PBX1: variants seen among roughly 807,000 people sequenced by gnomAD.
PBX1 encodes PBX homeobox 1.
PBX1 carries 6 observed loss-of-function variants against 53.4 expected under a neutral mutation model. That is an observed-to-expected ratio of 0.11 (90% CI 0.06 to 0.22). The LOEUF is 0.22. Among genes scored for constraint, PBX1 ranks in the 10% least tolerant of loss-of-function variants. The pLI is 1.00. For missense variants in PBX1, 251 were observed against 551.4 expected (o/e 0.46, Z 5.46); for synonymous variants, 204 against 212.3 (o/e 0.96, Z 0.34).
chr1:164,841,270 A>G (rs753030885), intron 8 of PBX1, among the ~76,000 whole-genome samples: 1 of 152,138 alleles, frequency 6.6e-6, no homozygotes, highest in Non-Finnish European at 1.5e-5. Flanking sequence ...TGGAGGAGTG[A>G]GGGCACGGCA....
chr1:164,803,758 C>T (rs1669201484), intron 4 of PBX1, among the ~76,000 whole-genome samples: 1 of 152,192 alleles, frequency 6.6e-6, no homozygotes, highest in Non-Finnish European at 1.5e-5. Flanking sequence ...TCCTATTAAA[C>T]AGCAGAAACC....
intron 2 of PBX1, among the ~76,000 whole-genome samples, chr1:164,877,704 ATAT>A (rs1435759092): frequency 6.6e-6 from 1 of 152,074 alleles, no homozygotes; most frequent in Non-Finnish European, 1.5e-5. Context: ...ATTATTAAAC[ATAT>A]TATGCTCAAC....
intron 2 of PBX1, among the ~76,000 whole-genome samples, chr1:164,767,540 G>A (rs1340936077): frequency 6.6e-6 from 1 of 151,990 alleles, no homozygotes; most frequent in East Asian, 1.9e-4. Context: ...TACCAGGAAC[G>A]TGTTAACTCT....
intron 2 of PBX1, among the ~76,000 whole-genome samples, chr1:164,614,123 C>T (rs1190817072): frequency 6.6e-6 from 1 of 152,184 alleles, no homozygotes; most frequent in Admixed American, 6.6e-5. Flanking sequence ...AGGCAAAGTA[C>T]AATTCCGTTC....
chr1:164,828,395 T>C (rs961256499), intron 8 of PBX1: 1 of 152,222 alleles, frequency 6.6e-6, no homozygotes, highest in African/African-American at 2.4e-5. Context: ...GGATTTTGTT[T>C]AGGGCATCTT....
At chr1:164,809,639 A>G (rs1254071007) in intron 5 of PBX1, among the ~76,000 whole-genome samples, 1 of 152,184 alleles carries the variant, frequency 6.6e-6, no homozygotes, top group Non-Finnish European at 1.5e-5. Context: ...CCTAATTCCC[A>G]AAGCCAGGGA....
intron 2 of PBX1, among the ~76,000 whole-genome samples, chr1:164,779,734 C>G (rs979491726): frequency 6.6e-6 from 1 of 152,120 alleles, no homozygotes; most frequent in African/African-American, 2.4e-5. Context: ...GGATGGCTTG[C>G]TAGGGGCTGT....
chr1:164,772,017 A>G lies in PBX1; in HGVS notation c.266-20477A>G, dbSNP rs182560093. Among the ~76,000 whole-genome samples, 169 of 151,912 alleles carry G rather than the reference A, an allele frequency of 1.1e-3. 1 individual carries two copies. In the South Asian group the frequency reaches 0.024, roughly 21 times the overall value. ...GGGCCCTACCCCAAGAATAGGGGGG[A>G]AAAAAATCCTGCCCCAAGAATTCCA... On this transcript the variant is annotated intron_variant, in intron 2 of 8. Transcript: ENST00000420696.
intron 2 of PBX1, among the ~76,000 whole-genome samples, chr1:164,688,061 A>C (rs1303395705): frequency 1.3e-5 from 2 of 152,172 alleles, no homozygotes; most frequent in Non-Finnish European, 2.9e-5. Flanking sequence ...TCTTTGTGGC[A>C]AAGACCTTTG....
intron 2 of PBX1, among the ~76,000 whole-genome samples, chr1:164,738,986 T>A (rs745326025): frequency 6.6e-6 from 1 of 152,154 alleles, no homozygotes; most frequent in Non-Finnish European, 1.5e-5. Flanking sequence ...TTTGTAACTA[T>A]TTAGTTGTTT....
intron 6 of PBX1, chr1:164,816,695 A>G (rs757084357): frequency 1.3e-5 from 2 of 152,142 alleles, no homozygotes; most frequent in Non-Finnish European, 2.9e-5. Context: ...CCTACAATGC[A>G]TAAGATAATC....
At chr1:164,854,945 CTT>C (rs539213655), downstream of PBX1, among the ~76,000 whole-genome samples, 12 of 116,338 alleles carry the variant, frequency 1.0e-4, no homozygotes, top group African/African-American at 2.6e-4. Context: ...CTCTCTCTCT[CTT>C]TTTTTTTTTT....
intron 2 of PBX1, among the ~76,000 whole-genome samples, chr1:164,681,187 G>T (rs1486644110): frequency 6.6e-6 from 1 of 152,150 alleles, no homozygotes; most frequent in Non-Finnish European, 1.5e-5. Context: ...CGAGGCTATA[G>T]TGTGAGATCC....
rs2102426764 is a variant in PBX1, at chr1:164,849,571, C to T, written c.*2895C>T. 4 of 1,015,194 alleles carry T rather than the reference C, an allele frequency of 3.9e-6. No individual in the cohort carries two copies. The highest frequency in any genetic ancestry group is 5.6e-6 in the Non-Finnish European group (4 of 719,860). 62.9% of individuals were successfully genotyped at this position (1,015,194 alleles called of 1,614,324 possible). A position where few individuals can be genotyped will look rare whatever the true frequency, so the allele number is the denominator to read the frequency against. On this transcript the variant is annotated 3_prime_UTR_variant, in exon 9 of 9. Transcript: ENST00000420696. ...ATTTTCTAATAGATGTGGGAGTGCT[C>T]CATTTTCCCCGACAGCGAATTTCCC...
chr1:164,777,388 A>C (rs1246500153), intron 2 of PBX1, among the ~76,000 whole-genome samples: 1 of 152,142 alleles, frequency 6.6e-6, no homozygotes, highest in African/African-American at 2.4e-5. Context: ...TGGCCACTGC[A>C]CTCCACCCTG....
chr1:164,740,418 G>C (rs935217282), intron 2 of PBX1, among the ~76,000 whole-genome samples: 8 of 152,156 alleles, frequency 5.3e-5, no homozygotes, highest in Non-Finnish European at 1.2e-4. Context: ...TCACAATCTA[G>C]TAGCCAGACT....
intron 8 of PBX1, among the ~76,000 whole-genome samples, chr1:164,843,615 T>C (rs1671415817): frequency 6.6e-6 from 1 of 152,104 alleles, no homozygotes; most frequent in African/African-American, 2.4e-5. Context: ...CTAGAAGGTT[T>C]TATATATTCT....
At chr1:164,885,612 G>A (rs1286444000) in intron 2 of PBX1, among the ~76,000 whole-genome samples, 2 of 152,146 alleles carry the variant, frequency 1.3e-5, no homozygotes, top group Non-Finnish European at 2.9e-5. Context: ...TTGAATCCTG[G>A]CTCCGTCTTC....
intron 2 of PBX1, among the ~76,000 whole-genome samples, chr1:164,874,277 G>C (rs974820696): frequency 6.6e-6 from 1 of 152,124 alleles, no homozygotes; most frequent in Non-Finnish European, 1.5e-5. Flanking sequence ...GTGCAGTTCT[G>C]TTTTCCCCAT....
Sources: allele counts gnomAD v4.1 joint callset (sites outside exome capture counted in the v4.1 genomes callset), GRCh38; gene constraint gnomAD v4.1.1; transcripts MANE v1.5; gene names NCBI Gene and HGNC (gene_info 2026-07-23, HGNC 2026-07-21).